The following PODXL variants were observed in gnomAD, a reference collection of about 807,000 sequenced individuals.
The protein encoded by PODXL is podocalyxin like.
A neutral mutation model predicts 48.9 loss-of-function variants in PODXL; 20 were observed. That is an observed-to-expected ratio of 0.41 (90% CI 0.29 to 0.59). The LOEUF (loss-of-function observed/expected upper bound fraction) is 0.59, where lower values mean the gene tolerates loss of function less well. Ranked by LOEUF, PODXL falls within the 20% of genes least tolerant of loss-of-function variation. The pLI is 0.31. For synonymous variants in PODXL, 295 were observed against 287.4 expected (o/e 1.03, Z -0.27); for missense variants, 606 against 675.1 (o/e 0.90, Z 1.13).
intron 1 of PODXL, among the ~76,000 whole-genome samples, chr7:131,555,891 G>T (rs1021510354): frequency 1.3e-5 from 2 of 152,216 alleles, no homozygotes; most frequent in African/African-American, 4.8e-5. Flanking sequence ...CCTCCAACAC[G>T]AAGGAAAGGT....
At chr7:131,511,553 G>A (rs1797915443) in intron 1 of PODXL, 120 bp from the exon 2 acceptor site, 17 of 990,684 alleles carry the variant, frequency 1.7e-5, no homozygotes, top group Middle Eastern at 3.2e-4. Context: ...CCTTGCTAAA[G>A]GCCTGGGTCT....
At chr7:131,515,273 TC>T (rs1199234342) in intron 1 of PODXL, among the ~76,000 whole-genome samples, 1 of 152,174 alleles carries the variant, frequency 6.6e-6, no homozygotes, top group Non-Finnish European at 1.5e-5. Flanking sequence ...TCAAGGAGTC[TC>T]TTTGTTTGCA....
chr7:131,547,758 C>T (rs981271853), intron 1 of PODXL, among the ~76,000 whole-genome samples: 3 of 152,224 alleles, frequency 2.0e-5, no homozygotes, highest in Non-Finnish European at 4.4e-5. Context: ...TAATTTTCCT[C>T]TCCAGGTATG....
At chr7:131,553,913 G>A (rs151249138) in intron 1 of PODXL, among the ~76,000 whole-genome samples, 415 of 152,312 alleles carry the variant, frequency 2.7e-3, no homozygotes, top group Non-Finnish European at 5.1e-3. Context: ...AAACCAAAAA[G>A]CACTGAAAGG....
chr7:131,507,419 G>A (rs1584807887), intron 5 of PODXL, among the ~76,000 whole-genome samples: 1 of 152,192 alleles, frequency 6.6e-6, no homozygotes, highest in East Asian at 1.9e-4. Flanking sequence ...AGCTGAGGAT[G>A]AGGGGAGAAG....
chr7:131,531,539 A>G (rs548679507), intron 1 of PODXL, among the ~76,000 whole-genome samples: 2 of 152,318 alleles, frequency 1.3e-5, no homozygotes, highest in Admixed American at 6.5e-5. Flanking sequence ...TACGACCGCC[A>G]TAACAAATTA....
At chr7:131,544,470 C>T (rs189835453) in intron 1 of PODXL, among the ~76,000 whole-genome samples, 24 of 152,308 alleles carry the variant, frequency 1.6e-4, no homozygotes, top group African/African-American at 5.1e-4. Context: ...CCCCAGAAGC[C>T]GATCCACAGC....
chr7:131,513,789 T>C (rs370282560), intron 1 of PODXL, among the ~76,000 whole-genome samples: 1 of 152,224 alleles, frequency 6.6e-6, no homozygotes. Context: ...AAAGTAGCCC[T>C]GCATGTGGCC....
chr7:131,511,386 C>T lies in PODXL; in HGVS notation c.148G>A (p.Ala50Thr), dbSNP rs1417155685. Residue 50 changes from alanine to threonine, a missense_variant, in exon 2 of 9, where the codon GCA becomes ACA. Physicochemically the swap from Ala to Thr is moderately conservative, Grantham distance 58. Transcript: ENST00000378555. ...DSSNKTAPTP[A>T]SSVTIMATDT... ...GTAGCCATGATGGTGACACTGGATG[C>T]TGGAGTCGGTGCTGTTTTGTTAGAT... 1.9e-6 allele frequency: 3 copies of T among 1,605,242 alleles called. No individual in the cohort carries two copies. The African/African-American group carries it at 4.0e-5, about 21-fold the overall frequency.
At chr7:131,506,873 G>T in intron 5 of PODXL, 147 bp from the exon 6 acceptor site, 2 of 772,764 alleles carry the variant, frequency 2.6e-6, no homozygotes, top group Middle Eastern at 3.7e-4. Flanking sequence ...GCTCCACGCA[G>T]GCCTGCCAGG....
In PODXL at chr7:131,509,560, A is replaced by T; in HGVS notation, c.828T>A (p.Thr276=). The change falls in exon 4 of 9, where the codon ACT becomes ACA. Residue 276 remains threonine, a synonymous_variant. Coordinates refer to ENST00000378555, the MANE Select transcript of PODXL (RefSeq NM_001018111.3). ...ITASSVISQR[T]QQTSSQMPAS... ...CTGGCATCTGACTGGAGGTCTGTTG[A>T]GTTCTTTGCGAGATAACCGATGACG... The T allele has an allele frequency of 6.4e-7, 1 of 1,568,926 alleles. No homozygotes were observed. The highest frequency in any genetic ancestry group is 8.7e-7 in the Non-Finnish European group (1 of 1,155,470).
chr7:131,515,055 T>C (rs1797969957), intron 1 of PODXL, among the ~76,000 whole-genome samples: 1 of 152,224 alleles, frequency 6.6e-6, no homozygotes, highest in Admixed American at 6.5e-5. Flanking sequence ...TCCTGGCCTC[T>C]GTCTATTAGA....
rs56367324 is a variant in PODXL, at chr7:131,510,335, GAAAAAAAAAAAAAA to G, written c.707-18_707-5del. 2 of 80,102 alleles carry G rather than the reference GAAAAAAAAAAAAAA, an allele frequency of 2.5e-5. No individual in the cohort carries two copies. The highest frequency in any genetic ancestry group is 4.3e-5 in the Non-Finnish European group (2 of 46,914). The allele number at this position is 80,102 out of a possible 1,614,324, so 5.0% of individuals were successfully genotyped here. Reference sequence around the variant, plus strand: ...ACATGGTGAAACACTGTCTCTACTTGAAAAAAAAAAAAAAAAAAAAAAAAAAATTAGCTGGTGTG... The same window carrying G: ...ACATGGTGAAACACTGTCTCTACTTGAAAAAAAAAAAAATTAGCTGGTGTG... On this transcript the variant is annotated splice_region_variant and splice_polypyrimidine_tract_variant and intron_variant, in intron 2 of 8. Coordinates refer to ENST00000378555, the MANE Select transcript of PODXL (RefSeq NM_001018111.3).
intron 5 of PODXL, 87 bp downstream of exon 5, chr7:131,508,864 G>C (rs901126288): frequency 2.1e-5 from 20 of 953,904 alleles, no homozygotes; most frequent in Non-Finnish European, 3.3e-5. Flanking sequence ...GTTTAAAAAT[G>C]CACCTAGAAA....
intron 5 of PODXL, among the ~76,000 whole-genome samples, chr7:131,507,185 T>C (rs947150898): frequency 5.3e-5 from 8 of 152,072 alleles, no homozygotes; most frequent in Non-Finnish European, 1.0e-4. Context: ...AGAAATCAGG[T>C]GGGGAGGCTG....
intron 1 of PODXL, among the ~76,000 whole-genome samples, chr7:131,520,735 C>T (rs1231495821): frequency 1.3e-5 from 2 of 152,070 alleles, no homozygotes; most frequent in Admixed American, 6.6e-5. Flanking sequence ...ACATGAAAAG[C>T]GCAAACCAAA....
At chr7:131,520,728 T>C (rs1798078213) in intron 1 of PODXL, among the ~76,000 whole-genome samples, 1 of 152,156 alleles carries the variant, frequency 6.6e-6, no homozygotes, top group East Asian at 1.9e-4. Flanking sequence ...CAACAAAACA[T>C]GAAAAGCGCA....
Position 131,501,247 on chromosome 7 carries a change from A to G in PODXL, c.*3064T>C, listed in dbSNP as rs1422067196. 1 of 152,610 alleles carries G rather than the reference A, an allele frequency of 6.6e-6. No individual in the cohort carries two copies. The highest frequency in any genetic ancestry group is 1.5e-5 in the Non-Finnish European group (1 of 68,034). The allele number at this position is 152,610 out of a possible 1,614,324, so 9.5% of individuals were successfully genotyped here. ...AAGACATTTACATTCCTGTCCAGAG[A>G]AAAAACTTGGCCATCACTCAGCTAA... On this transcript the variant is annotated 3_prime_UTR_variant, in exon 9 of 9. Coordinates refer to ENST00000378555, the MANE Select transcript of PODXL (RefSeq NM_001018111.3).
At chr7:131,528,975 T>A (rs1195389609) in intron 1 of PODXL, among the ~76,000 whole-genome samples, 1 of 151,768 alleles carries the variant, frequency 6.6e-6, no homozygotes. Flanking sequence ...AGTTGGAAGG[T>A]AGAGAGACAG....
Sources: allele counts gnomAD v4.1 joint callset (sites outside exome capture counted in the v4.1 genomes callset), GRCh38; gene constraint gnomAD v4.1.1; transcripts MANE v1.5; gene names NCBI Gene and HGNC (gene_info 2026-07-23, HGNC 2026-07-21).